Variants in CA10 observed in about 807,000 individuals in gnomAD.
The protein encoded by CA10 is carbonic anhydrase-related protein 10.
In CA10, 14 loss-of-function variants were observed where a neutral mutation model predicts 44.2. The observed-to-expected ratio is 0.32, with a 90% CI of 0.21 to 0.50. The LOEUF is 0.50. Among genes scored for constraint, CA10 ranks in the 20% least tolerant of loss-of-function variants. The pLI, the probability that CA10 is intolerant of heterozygous loss-of-function variation, is 0.99. For missense variants in CA10, 350 were observed against 409.7 expected (o/e 0.85, Z 1.26); for synonymous variants, 159 against 141.6 (o/e 1.12, Z -0.87).
Position 51,756,608 on chromosome 17 carries a change from T to C in CA10, c.280-8790A>G, listed in dbSNP as rs375006237. The stretch of plus-strand genomic sequence containing the variant: ...CTTCAGCCTCCGGAGTAGCTGGGAC[T>C]ACAGGCGCCCGCCACCATGCCTGGC... On this transcript the variant is annotated intron_variant, in intron 3 of 8. Transcript: ENST00000451037. 3.3e-5 allele frequency among the ~76,000 whole-genome samples: 5 copies of C among 151,664 alleles called. No individual in the cohort carries two copies. The East Asian group carries it at 9.7e-4, about 30-fold the overall frequency.
At chr17:52,047,861 C>T (rs1279639616) in intron 2 of CA10, among the ~76,000 whole-genome samples, 1 of 151,772 alleles carries the variant, frequency 6.6e-6, no homozygotes, top group Admixed American at 6.6e-5. Context: ...CAAAATAACT[C>T]TTTCCAACTT....
intron 6 of CA10, among the ~76,000 whole-genome samples, chr17:51,644,590 C>T (rs1040575200): frequency 2.0e-5 from 3 of 152,000 alleles, no homozygotes; most frequent in African/African-American, 7.3e-5. Flanking sequence ...TCTTGGGTAC[C>T]TTATAAACAT....
intron 1 of CA10, among the ~76,000 whole-genome samples, chr17:52,073,966 G>T (rs1020296280): frequency 2.0e-5 from 3 of 152,158 alleles, no homozygotes; most frequent in African/African-American, 7.2e-5. Context: ...TCAAGGTTTG[G>T]ATATGGCTGC....
At chr17:52,074,484 T>C (rs560278999) in intron 1 of CA10, among the ~76,000 whole-genome samples, 33 of 152,342 alleles carry the variant, frequency 2.2e-4, no homozygotes, top group African/African-American at 7.7e-4. Flanking sequence ...TCAGGATTAC[T>C]GACTGTCATC....
intron 1 of CA10, among the ~76,000 whole-genome samples, chr17:52,078,313 T>C (rs905047845): frequency 3.3e-5 from 5 of 152,046 alleles, no homozygotes; most frequent in Admixed American, 1.3e-4. Flanking sequence ...AGGGATCCAG[T>C]TGGGGAAGGG....
chr17:51,657,968 A>C (rs1913857880), intron 4 of CA10, among the ~76,000 whole-genome samples: 2 of 152,240 alleles, frequency 1.3e-5, no homozygotes, highest in Non-Finnish European at 2.9e-5. Context: ...TGAAAGGGTT[A>C]AACCTGGATT....
intron 2 of CA10, among the ~76,000 whole-genome samples, chr17:51,932,866 CTT>C (rs993363900): frequency 2.2e-4 from 33 of 151,214 alleles, no homozygotes; most frequent in African/African-American, 7.5e-4. Flanking sequence ...TATGAATGCA[CTT>C]ATATTATAAA....
chr17:51,926,851 T>C (rs1749216120), intron 3 of CA10, among the ~76,000 whole-genome samples: 1 of 152,226 alleles, frequency 6.6e-6, no homozygotes, highest in Admixed American at 6.5e-5. Flanking sequence ...TTAGAAGTCC[T>C]GTGGATTAAG....
intron 4 of CA10, among the ~76,000 whole-genome samples, chr17:51,660,267 G>T (rs1913951231): frequency 1.3e-5 from 2 of 152,264 alleles, no homozygotes; most frequent in African/African-American, 4.8e-5. Context: ...CCATCCTAAG[G>T]GTAACGAAGA....
chr17:52,156,533 C>T (rs746181111), intron 1 of CA10, among the ~76,000 whole-genome samples: 3 of 152,174 alleles, frequency 2.0e-5, no homozygotes, highest in Non-Finnish European at 4.4e-5. Context: ...GGATTTGGAA[C>T]AGAGTCCAGG....
At chr17:51,778,860 C>T (rs1905931542) in intron 3 of CA10, among the ~76,000 whole-genome samples, 1 of 152,158 alleles carries the variant, frequency 6.6e-6, no homozygotes, top group Admixed American at 6.5e-5. Flanking sequence ...AAATAAACTG[C>T]TTAGCGGAAA....
At chr17:51,826,079 C>G (rs995898138) in intron 3 of CA10, among the ~76,000 whole-genome samples, 1 of 152,192 alleles carries the variant, frequency 6.6e-6, no homozygotes, top group African/African-American at 2.4e-5. Context: ...AGGAATGGGG[C>G]CTGCCCAGTA....
chr17:51,805,274 A>G (rs1907083664), intron 3 of CA10, among the ~76,000 whole-genome samples: 1 of 152,182 alleles, frequency 6.6e-6, no homozygotes, highest in Non-Finnish European at 1.5e-5. Flanking sequence ...TAATAAACAT[A>G]TTATGCAGCT....
intron 6 of CA10, among the ~76,000 whole-genome samples, chr17:51,647,322 A>G (rs1031684982): frequency 6.6e-5 from 10 of 152,188 alleles, no homozygotes; most frequent in Non-Finnish European, 8.8e-5. Flanking sequence ...GAGCTGATGA[A>G]GACAGAGTTC....
chr17:51,819,878 T>G (rs984953672), intron 3 of CA10, among the ~76,000 whole-genome samples: 6 of 152,114 alleles, frequency 3.9e-5, no homozygotes, highest in African/African-American at 1.2e-4. Flanking sequence ...GTCTCTGTCT[T>G]TCTCTCCCTC....
chr17:52,152,460 G>T (rs1272142853), intron 1 of CA10, among the ~76,000 whole-genome samples: 1 of 151,942 alleles, frequency 6.6e-6, no homozygotes, highest in Non-Finnish European at 1.5e-5. Context: ...TTTTGATGAT[G>T]AGGTCCCCTC....
chr17:52,144,673 T>C (rs1224579262), intron 1 of CA10, among the ~76,000 whole-genome samples: 2 of 152,210 alleles, frequency 1.3e-5, no homozygotes, highest in African/African-American at 4.8e-5. Context: ...TAACTGATTA[T>C]GTGCTATGTG....
chr17:51,995,354 G>C (rs1445124047), intron 2 of CA10, among the ~76,000 whole-genome samples: 1 of 151,918 alleles, frequency 6.6e-6, no homozygotes, highest in East Asian at 1.9e-4. Context: ...CTACAAATAA[G>C]TTAAAAAAAT....
At chr17:51,697,085 G>GAA (rs60585641) in intron 4 of CA10, among the ~76,000 whole-genome samples, 464 of 139,144 alleles carry the variant, frequency 3.3e-3, no homozygotes, top group Non-Finnish European at 6.1e-3. Context: ...GCAACGTAAT[G>GAA]AAAAAAAAAA....
Sources: gnomAD v4.1 joint callset for allele counts (sites outside exome capture counted in the v4.1 genomes callset) on GRCh38, gnomAD v4.1.1 for gene constraint, MANE v1.5 for transcripts, NCBI Gene and HGNC (gene_info 2026-07-23, HGNC 2026-07-21) for gene names.